OSBPL1A: variants seen among roughly 807,000 people sequenced by gnomAD.
The protein encoded by OSBPL1A is oxysterol binding protein like 1A.
A neutral mutation model predicts 137.1 loss-of-function variants in OSBPL1A; 80 were observed. The ratio of observed to expected loss-of-function variants is 0.58; its 90% CI spans 0.49 to 0.70. The LOEUF (loss-of-function observed/expected upper bound fraction) is 0.70, where lower values mean the gene tolerates loss of function less well. Ranked by LOEUF, OSBPL1A falls within the 30% of genes least tolerant of loss-of-function variation. The pLI is 0.00. For missense variants in OSBPL1A, 970 were observed against 1,129.4 expected (o/e 0.86, Z 2.02); for synonymous variants, 365 against 389.7 (o/e 0.94, Z 0.75).
chr18:24,199,899 CAAAG>C (rs1442349547), intron 17 of OSBPL1A, among the ~76,000 whole-genome samples: 1 of 152,138 alleles, frequency 6.6e-6, no homozygotes, highest in African/African-American at 2.4e-5. Context: ...GGCTCCACAA[CAAAG>C]AATTACCCAC....
chr18:24,243,784 T>TA (rs373730055), intron 15 of OSBPL1A, among the ~76,000 whole-genome samples: 1 of 152,314 alleles, frequency 6.6e-6, no homozygotes, highest in African/African-American at 2.4e-5. Context: ...GTTTCAAGCC[T>TA]AACAGGATTT....
At chr18:24,365,089 A>G (rs1184091967) in intron 4 of OSBPL1A, among the ~76,000 whole-genome samples, 3 of 152,068 alleles carry the variant, frequency 2.0e-5, no homozygotes, top group Non-Finnish European at 4.4e-5. Context: ...TTTCCAGCAA[A>G]GGTATCTAGG....
At chr18:24,384,668 C>T (rs556351623) in intron 1 of OSBPL1A, among the ~76,000 whole-genome samples, 56 of 151,098 alleles carry the variant, frequency 3.7e-4, no homozygotes, top group African/African-American at 1.0e-3. Flanking sequence ...TCAGGAGTTC[C>T]GGACCAGCGT....
At chr18:24,310,110 A>G (rs1454300897) in intron 13 of OSBPL1A, among the ~76,000 whole-genome samples, 2 of 151,486 alleles carry the variant, frequency 1.3e-5, no homozygotes, top group Non-Finnish European at 2.9e-5. Flanking sequence ...TCTGTTGGAG[A>G]GGAACATGCA....
intron 15 of OSBPL1A, among the ~76,000 whole-genome samples, chr18:24,274,233 CAAAA>C (rs5823419): frequency 1.8e-5 from 2 of 110,352 alleles, no homozygotes; most frequent in African/African-American, 6.6e-5. Flanking sequence ...GACTCCTTCA[CAAAA>C]AAAAAAAAAA....
chr18:24,361,881 C>A (rs1333555744), intron 4 of OSBPL1A, among the ~76,000 whole-genome samples: 3 of 151,588 alleles, frequency 2.0e-5, no homozygotes, highest in Admixed American at 1.3e-4. Flanking sequence ...CCTGTAATTC[C>A]AGCTACTCAG....
intron 18 of OSBPL1A, among the ~76,000 whole-genome samples, chr18:24,193,504 A>G (rs1599468267): frequency 4.0e-5 from 6 of 151,632 alleles, no homozygotes; most frequent in South Asian, 4.2e-4. Context: ...AAAAAAAAAA[A>G]GTGGTAATAT....
chr18:24,327,636 T>C (rs1415950417), intron 7 of OSBPL1A, among the ~76,000 whole-genome samples: 1 of 152,148 alleles, frequency 6.6e-6, no homozygotes, highest in Non-Finnish European at 1.5e-5. Context: ...CTCAAACACC[T>C]GACCTCAAAT....
chr18:24,393,776 A>G (rs1907538811), intron 1 of OSBPL1A, among the ~76,000 whole-genome samples: 1 of 152,184 alleles, frequency 6.6e-6, no homozygotes, highest in Non-Finnish European at 1.5e-5. Flanking sequence ...TATAAAATTC[A>G]ATTCAGCTGC....
chr18:24,300,713 C>T (rs908981859), intron 14 of OSBPL1A, among the ~76,000 whole-genome samples: 5 of 152,184 alleles, frequency 3.3e-5, no homozygotes, highest in Non-Finnish European at 7.3e-5. Context: ...CTAACAATTA[C>T]AACTATAAGC....
intron 15 of OSBPL1A, among the ~76,000 whole-genome samples, chr18:24,247,317 A>T (rs977991112): frequency 2.6e-5 from 4 of 152,214 alleles, no homozygotes; most frequent in Non-Finnish European, 5.9e-5. Context: ...AGACAAGACC[A>T]CTGTACTGGC....
At chr18:24,309,597 T>G (rs2090575857) in intron 13 of OSBPL1A, among the ~76,000 whole-genome samples, 1 of 152,224 alleles carries the variant, frequency 6.6e-6, no homozygotes, top group African/African-American at 2.4e-5. Flanking sequence ...GACCTTTCCA[T>G]AAATTGGCCC....
chr18:24,316,530 A>C (rs1274721253), intron 11 of OSBPL1A, among the ~76,000 whole-genome samples: 1 of 152,244 alleles, frequency 6.6e-6, no homozygotes, highest in Non-Finnish European at 1.5e-5. Context: ...CATATCAGAC[A>C]AAATAAATTT....
chr18:24,196,302 C>G lies in OSBPL1A; in HGVS notation c.1602-102G>C, dbSNP rs932471883. On this transcript the variant is annotated intron_variant, in intron 17 of 27. Coordinates refer to ENST00000319481, the MANE Select transcript of OSBPL1A (RefSeq NM_080597.4). ...ATGAGAGCTGCAGGCACAGAAAGAC[C>G]CTTTAAAAATGTGTGTCATCACAGA... The G allele has an allele frequency of 8.9e-6, 7 of 788,798 alleles. 1 individual carries two copies. Among genetic ancestry groups the G allele is most frequent in the Non-Finnish European group, 1.4e-5 (7 of 486,390 alleles). 48.9% of individuals were successfully genotyped at this position (788,798 alleles called of 1,614,324 possible). A position where few individuals can be genotyped will look rare whatever the true frequency, so the allele number is the denominator to read the frequency against.
rs761911019 is a variant in OSBPL1A at position 24,317,383 on chromosome 18, G to C, written c.750C>G (p.Gly250=). ...GPLWKSSRFF[G]WRLFWVVLEH... is the part of the protein sequence containing the mutation. ...CTAACACTACCCAGAATAATCTCCA[G>C]CCAAAAAATCTTGAACTCTAAGGGA... The change falls in exon 10 of 28, where the codon GGC becomes GGG. Residue 250 remains glycine (G), a synonymous_variant. Transcript: ENST00000319481. 1.2e-6 allele frequency: 2 copies of C among 1,613,446 alleles called. No homozygotes were observed. The highest frequency in any genetic ancestry group is 2.2e-5 in the South Asian group (2 of 91,060).
At chr18:24,316,382 T>G (rs141033938) in intron 11 of OSBPL1A, among the ~76,000 whole-genome samples, 2 of 152,142 alleles carry the variant, frequency 1.3e-5, no homozygotes, top group Non-Finnish European at 2.9e-5. Flanking sequence ...ATTGCCAGAA[T>G]GGGTAATAGG....
At chr18:24,272,194 G>A (rs1186408347) in intron 15 of OSBPL1A, 11 of 983,516 alleles carry the variant, frequency 1.1e-5, no homozygotes, top group African/African-American at 3.5e-5. Context: ...TCCTAGAGCT[G>A]CTGTGCGCTC....
chr18:24,171,159 C>T (rs1253396034), intron 23 of OSBPL1A, among the ~76,000 whole-genome samples: 1 of 151,774 alleles, frequency 6.6e-6, no homozygotes, highest in East Asian at 1.9e-4. Flanking sequence ...CTCAGCCTCC[C>T]AATGGCTGGG....
intron 3 of OSBPL1A, chr18:24,367,973 T>G (rs1372050578): frequency 5.3e-6 from 1 of 187,568 alleles, no homozygotes; most frequent in African/African-American, 2.3e-5. Flanking sequence ...TTTTAATTAT[T>G]TAGGGTGTGC....
Sources: gnomAD v4.1 joint callset for allele counts (sites outside exome capture counted in the v4.1 genomes callset) on GRCh38, gnomAD v4.1.1 for gene constraint, MANE v1.5 for transcripts, NCBI Gene and HGNC (gene_info 2026-07-23, HGNC 2026-07-21) for gene names.